Variants in AKAP7 observed in about 807,000 individuals in gnomAD.
AKAP7 encodes the protein A-kinase anchoring protein 7.
AKAP7 carries 39 observed loss-of-function variants against 39.5 expected under a neutral mutation model. The ratio of observed to expected loss-of-function variants is 0.99; its 90% confidence interval spans 0.76 to 1.29. AKAP7 has a LOEUF of 1.29. AKAP7 is among the 50% of genes most tolerant of loss of function. AKAP7 has a pLI of 0.00. For missense variants in AKAP7, 414 were observed against 407.7 expected (o/e 1.02, Z -0.13); for synonymous variants, 140 against 139.1 (o/e 1.01, Z -0.05).
At chr6:131,245,739 T>A (rs889451664) in intron 7 of AKAP7, among the ~76,000 whole-genome samples, 1 of 152,180 alleles carries the variant, frequency 6.6e-6, no homozygotes, top group Non-Finnish European at 1.5e-5. Context: ...ATGAAATCTT[T>A]CTAAATTGTC....
intron 5 of AKAP7, chr6:131,184,509 C>T (rs538547548): frequency 3.0e-5 from 21 of 690,174 alleles, no homozygotes; most frequent in Non-Finnish European, 4.6e-5. Context: ...CCGCAGATAT[C>T]GCAACATTTG....
chr6:131,148,972 G>T (rs1468326936), intron 2 of AKAP7, among the ~76,000 whole-genome samples: 1 of 152,158 alleles, frequency 6.6e-6, no homozygotes, highest in African/African-American at 2.4e-5. Context: ...CGAGTTAACT[G>T]CCAAGAAATT....
At chr6:131,171,736 A>T (rs781594618) in intron 5 of AKAP7, among the ~76,000 whole-genome samples, 1 of 152,174 alleles carries the variant, frequency 6.6e-6, no homozygotes, top group Non-Finnish European at 1.5e-5. Context: ...TGTAGGATTT[A>T]GCTGTGAGAA....
chr6:131,179,100 A>T (rs1207868454), intron 5 of AKAP7, among the ~76,000 whole-genome samples: 1 of 152,144 alleles, frequency 6.6e-6, no homozygotes, highest in African/African-American at 2.4e-5. Context: ...TAAGCTCTCT[A>T]TCACTGTACC....
chr6:131,238,406 T>C (rs1183730196), intron 7 of AKAP7, among the ~76,000 whole-genome samples: 2 of 152,344 alleles, frequency 1.3e-5, no homozygotes, highest in Middle Eastern at 3.4e-3. Context: ...GAGAGTTCTG[T>C]AGATGTCTAT....
chr6:131,130,547 C>T (rs982103263), upstream of AKAP7, among the ~76,000 whole-genome samples: 4 of 152,224 alleles, frequency 2.6e-5, no homozygotes, highest in Non-Finnish European at 5.9e-5. Context: ...CCACCCGCTT[C>T]GGCCTTCCAA....
intron 7 of AKAP7, among the ~76,000 whole-genome samples, chr6:131,227,318 G>A (rs1229499436): frequency 1.3e-5 from 2 of 152,190 alleles, no homozygotes; most frequent in African/African-American, 2.4e-5. Context: ...ATGACACTTT[G>A]ATTGAACCCA....
intron 7 of AKAP7, among the ~76,000 whole-genome samples, chr6:131,221,987 T>G (rs545600020): frequency 6.6e-6 from 1 of 152,304 alleles, no homozygotes; most frequent in East Asian, 1.9e-4. Flanking sequence ...TTAAGAAATA[T>G]TTTTGTAAGG....
chr6:131,161,235 A>G (rs1029411958), intron 3 of AKAP7, among the ~76,000 whole-genome samples: 4 of 152,192 alleles, frequency 2.6e-5, no homozygotes, highest in African/African-American at 7.2e-5. Context: ...GAAGATATAC[A>G]TAACAAGAGA....
intron 5 of AKAP7, among the ~76,000 whole-genome samples, chr6:131,182,251 A>G (rs544663569): frequency 1.3e-5 from 2 of 152,292 alleles, no homozygotes; most frequent in Non-Finnish European, 2.9e-5. Context: ...CAATCTACGG[A>G]ATCTTTTTAT....
intron 7 of AKAP7, among the ~76,000 whole-genome samples, chr6:131,245,136 C>T: frequency 6.6e-6 from 1 of 151,892 alleles, no homozygotes; most frequent in East Asian, 1.9e-4. Flanking sequence ...GTTTCAGAAT[C>T]TTTCTCTTTG....
At chr6:131,182,985 A>G (rs1212916752) in intron 5 of AKAP7, among the ~76,000 whole-genome samples, 1 of 152,218 alleles carries the variant, frequency 6.6e-6, no homozygotes, top group African/African-American at 2.4e-5. Context: ...TTTTGGGGGA[A>G]AAAAAGCTGT....
At chr6:131,200,821 A>G (rs532715405) in intron 6 of AKAP7, 2 of 152,254 alleles carry the variant, frequency 1.3e-5, no homozygotes, top group South Asian at 4.1e-4. Flanking sequence ...TTGATTCTTT[A>G]CTGGTTATCT....
At chr6:131,277,739 G>C (rs574913251) in intron 7 of AKAP7, among the ~76,000 whole-genome samples, 1 of 152,178 alleles carries the variant, frequency 6.6e-6, no homozygotes. Context: ...AAGCCTTCCT[G>C]TAGACTCATC....
At chr6:131,277,434 G>A (rs780530510) in intron 7 of AKAP7, among the ~76,000 whole-genome samples, 14 of 152,144 alleles carry the variant, frequency 9.2e-5, no homozygotes, top group Non-Finnish European at 2.1e-4. Context: ...CTTTTTATAT[G>A]TACTTCTGTT....
chr6:131,136,131 A>G (rs1164504231), intron 1 of AKAP7, among the ~76,000 whole-genome samples: 1 of 152,216 alleles, frequency 6.6e-6, no homozygotes, highest in Non-Finnish European at 1.5e-5. Context: ...GATGTGGGTA[A>G]ATGTAAACAA....
chr6:131,125,729 C>G, the AKAP7 span, among the ~76,000 whole-genome samples: 1 of 152,136 alleles, frequency 6.6e-6, no homozygotes, highest in Non-Finnish European at 1.5e-5. Context: ...ACCACACCAC[C>G]AGCAGGGAAG....
At chr6:131,227,054 G>A (rs776409611) in intron 7 of AKAP7, among the ~76,000 whole-genome samples, 1 of 152,162 alleles carries the variant, frequency 6.6e-6, no homozygotes, top group Non-Finnish European at 1.5e-5. Context: ...ACAGTAATGG[G>A]ATTTGATAGG....
intron 7 of AKAP7, among the ~76,000 whole-genome samples, chr6:131,237,405 A>G (rs1585149390): frequency 6.6e-6 from 1 of 152,142 alleles, no homozygotes; most frequent in East Asian, 1.9e-4. Flanking sequence ...TGGTATCAGG[A>G]TAATGCTGGC....
Sources: allele counts gnomAD v4.1 joint callset (sites outside exome capture counted in the v4.1 genomes callset), GRCh38; gene constraint gnomAD v4.1.1; transcripts MANE v1.5; gene names NCBI Gene and HGNC (gene_info 2026-07-23, HGNC 2026-07-21).